Variants in SKOR2 observed in about 807,000 individuals in gnomAD.
SKOR2 encodes SKI family transcriptional corepressor 2.
SKOR2 carries 47 observed loss-of-function variants against 69.1 expected under a neutral mutation model. That is an observed-to-expected ratio of 0.68 (90% CI 0.54 to 0.87). The LOEUF is 0.87. SKOR2 is among the 40% of genes least tolerant of loss of function. SKOR2 has a pLI of 0.00. For missense variants in SKOR2, 1,404 were observed against 1,472.2 expected (o/e 0.95, Z 0.76); for synonymous variants, 717 against 672.6 (o/e 1.07, Z -1.02).
Position 47,248,363 on chromosome 18 carries a change from C to T in SKOR2, c.821G>A (p.Gly274Glu), listed in dbSNP as rs889229258. 1.1e-5 allele frequency: 14 copies of T among 1,280,858 alleles called. No homozygotes were observed. In the African/African-American group the frequency reaches 1.9e-4, roughly 17 times the overall value. The allele number at this position is 1,280,858 out of a possible 1,614,324, so 79.3% of individuals were successfully genotyped here. A position where few individuals can be genotyped will look rare whatever the true frequency, so the allele number is the denominator to read the frequency against. Reference protein sequence around the residue: ...VAAAAAVAGGGGLLGPHLLGA... With the variant: ...VAAAAAVAGGEGLLGPHLLGA... ...CAGCAGGTGGGGGCCCAGCAGACCC[C>T]CGCCTCCGGCCACCGCGGCCGCGGC... Residue 274 changes from glycine (G) to glutamate (E), a missense_variant, in exon 2 of 9, where the codon GGG (glycine) becomes GAG (glutamate). Gly to Glu is a moderately conservative substitution (Grantham distance 98, BLOSUM62 -2). Transcript: ENST00000425639. The surrounding 1 kb of genome is among the most constrained non-coding windows in gnomAD (Gnocchi z 6.4).
chr18:47,249,140 G>A lies in SKOR2; in HGVS notation c.44C>T (p.Ala15Val), dbSNP rs753945565. The A allele has an allele frequency of 5.2e-6, 8 of 1,535,722 alleles. No individual in the cohort carries two copies. The highest frequency in any genetic ancestry group is 2.4e-5 in the East Asian group (1 of 40,900). ...PLPGPNDILL[A>V]SPSSAFQPDT... ...GGGCTGGAAGGCGCTCGACGGCGAC[G>A]CCAGCAGGATGTCGTTGGGCCCTGG... The change falls in exon 2 of 9, where the codon GCG becomes GTG. Residue 15 changes from alanine (A) to valine (V), a missense_variant. Physicochemically the swap from Ala to Val is moderately conservative, Grantham distance 64. Transcript: ENST00000425639.
In SKOR2 at chr18:47,247,838, C is replaced by A; in HGVS notation, c.1346G>T (p.Gly449Val). Residue 449 changes from glycine (G) to valine (V), a missense_variant, in exon 2 of 9, where the codon GGC becomes GTC. Around this residue, in one of 3 missense-constraint regions of SKOR2, gnomAD observed 1,266 missense variants for 1,309.9 expected, o/e 0.97. Transcript: ENST00000425639. This position sits in a 1 kb window ranked among gnomAD's most constrained non-coding sequence, Gnocchi z 6.6. The part of the protein sequence containing the change: ...AGGAGAAPKA[G>V]LSGLFWPAGR... ...CGCGGGCCAGAAGAGGCCGGACAAG[C>A]CGGCCTTGGGCGCCGCGCCCGCGCC... 7.3e-6 allele frequency: 10 copies of A among 1,374,426 alleles called. No individual in the cohort carries two copies. The highest frequency in any genetic ancestry group is 8.4e-6 in the Non-Finnish European group (9 of 1,073,474). The allele number at this position is 1,374,426 out of a possible 1,614,324, so 85.1% of individuals were successfully genotyped here. A position where few individuals can be genotyped will look rare whatever the true frequency, so the allele number is the denominator to read the frequency against.
intron 4 of SKOR2, among the ~76,000 whole-genome samples, chr18:47,244,704 T>A (rs957081990): frequency 6.6e-6 from 1 of 152,238 alleles, no homozygotes; most frequent in African/African-American, 2.4e-5. Flanking sequence ...TATTTCTGAA[T>A]TTTCTTCTGA....
chr18:47,221,322 A>G (rs1365623440), intron 6 of SKOR2, among the ~76,000 whole-genome samples: 1 of 152,186 alleles, frequency 6.6e-6, no homozygotes, highest in Non-Finnish European at 1.5e-5. Flanking sequence ...CCATGCAAAG[A>G]TTGAGAGAAG....
At position 47,248,659 on chromosome 18, in the gene SKOR2, G is replaced by A; in HGVS notation, c.525C>T (p.Ser175=). 6.4e-7 allele frequency: 1 copy of A among 1,566,830 alleles called. No homozygotes were observed. The highest frequency in any genetic ancestry group is 8.6e-7 in the Non-Finnish European group (1 of 1,162,006). Reference sequence around the variant, plus strand: ...TGGGCGAGAAGTACATGTTGCAGTAGCTGCATTTGATGCACTTGGCGCGCG... The same window carrying A: ...TGGGCGAGAAGTACATGTTGCAGTAACTGCATTTGATGCACTTGGCGCGCG... ...NSSRAKCIKC[S]YCNMYFSPNK... The change falls in exon 2 of 9, where the codon AGC becomes AGT. Residue 175 remains serine (S), a synonymous_variant. Coordinates refer to ENST00000425639, the MANE Select transcript of SKOR2 (RefSeq NM_001278063.4). This position sits in a 1 kb window ranked among gnomAD's most constrained non-coding sequence, Gnocchi z 6.4.
intron 7 of SKOR2, among the ~76,000 whole-genome samples, chr18:47,212,743 TG>T (rs1372951563): frequency 6.6e-6 from 1 of 151,908 alleles, no homozygotes; most frequent in Admixed American, 6.6e-5. Context: ...GAGGCTGAGG[TG>T]GGAGGATCAC....
chr18:47,237,699 CT>C (rs398041372), intron 4 of SKOR2, among the ~76,000 whole-genome samples: 54,505 of 134,270 alleles, frequency 0.41, 10,218 homozygotes, highest in Middle Eastern at 0.48. Flanking sequence ...TTTTCTTTTT[CT>C]TTTTTTTTTT....
intron 7 of SKOR2, among the ~76,000 whole-genome samples, chr18:47,214,688 C>T (rs976935273): frequency 6.6e-6 from 1 of 152,126 alleles, no homozygotes; most frequent in African/African-American, 2.4e-5. Flanking sequence ...AAACCTTTTA[C>T]TTTATGATTC....
At chr18:47,217,481 T>G (rs2064147688) in intron 7 of SKOR2, among the ~76,000 whole-genome samples, 1 of 152,190 alleles carries the variant, frequency 6.6e-6, no homozygotes, top group Non-Finnish European at 1.5e-5. Flanking sequence ...TTGCTAGTAT[T>G]CCTTCCTTTA....
At chr18:47,222,999 A>T (rs1229021030) in intron 6 of SKOR2, among the ~76,000 whole-genome samples, 1 of 152,194 alleles carries the variant, frequency 6.6e-6, no homozygotes, top group Non-Finnish European at 1.5e-5. Context: ...AAAGGCAAAA[A>T]CTGAAAAGGA....
chr18:47,249,464 A>G (rs762825822), intron 1 of SKOR2, among the ~76,000 whole-genome samples: 1 of 152,262 alleles, frequency 6.6e-6, no homozygotes, highest in Admixed American at 6.5e-5. Context: ...TGAATTAACT[A>G]TGTATTTTCC....
At chr18:47,219,838 G>C in intron 7 of SKOR2, 105 bp downstream of exon 7, 3 of 993,874 alleles carry the variant, frequency 3.0e-6, no homozygotes, top group Non-Finnish European at 4.5e-6. Flanking sequence ...GAGGTAAGTG[G>C]ACCAAAGGAT....
chr18:47,250,560 G>A (rs894987306), intron 1 of SKOR2, among the ~76,000 whole-genome samples: 13 of 152,184 alleles, frequency 8.5e-5, no homozygotes, highest in African/African-American at 2.9e-4. Context: ...CAGCGAGTTC[G>A]CTATTACAGT....
Position 47,242,397 on chromosome 18 carries a change from TA to T in SKOR2, c.2752+2510del, listed in dbSNP as rs370553420. ...GTTGAAATGTTAACTGAAAACTTCTTAAAAAAATTATGAATGTTAGCTGTTA... is the reference window on the plus strand; with the variant it reads ...GTTGAAATGTTAACTGAAAACTTCTTAAAAAATTATGAATGTTAGCTGTTA... On this transcript the variant is annotated intron_variant, in intron 4 of 8. Transcript: ENST00000425639. Among the ~76,000 whole-genome samples, 1,296 of 152,216 alleles carry T rather than the reference TA, an allele frequency of 8.5e-3. 20 individuals carry two copies. The highest frequency in any genetic ancestry group is 0.03 in the African/African-American group (1,236 of 41,550).
chr18:47,247,162 C>G lies in SKOR2; in HGVS notation c.2022G>C (p.Ser674=). The change falls in exon 2 of 9, where the codon TCG becomes TCC. Residue 674 remains serine, a synonymous_variant. Coordinates refer to ENST00000425639, the MANE Select transcript of SKOR2 (RefSeq NM_001278063.4). This position sits in a 1 kb window ranked among gnomAD's most constrained non-coding sequence, Gnocchi z 6.6. ...HHHHHPPQPP[S]PLLLLPPQPD... The stretch of plus-strand genomic sequence containing the variant: ...GCTGCGGGGGCAGCAGCAGAAGCGG[C>G]GACGGCGGCTGCGGGGGGTGGTGGT... 2 of 1,104,018 alleles carry G rather than the reference C, an allele frequency of 1.8e-6. No individual in the cohort carries two copies. The highest frequency in any genetic ancestry group is 2.2e-6 in the Non-Finnish European group (2 of 899,896). 68.4% of individuals were successfully genotyped at this position (1,104,018 alleles called of 1,614,324 possible). A position where few individuals can be genotyped will look rare whatever the true frequency, so the allele number is the denominator to read the frequency against.
chr18:47,225,030 A>C (rs963071395), intron 6 of SKOR2, among the ~76,000 whole-genome samples: 2 of 152,152 alleles, frequency 1.3e-5, no homozygotes, highest in African/African-American at 2.4e-5. Flanking sequence ...CATCTCCCAG[A>C]GTATGCTACA....
intron 2 of SKOR2, among the ~76,000 whole-genome samples, chr18:47,246,362 T>G (rs2064273007): frequency 6.6e-6 from 1 of 152,126 alleles, no homozygotes; most frequent in South Asian, 2.1e-4. Context: ...CCCCAAAGCC[T>G]TTGAAAGGCG....
In SKOR2 at chr18:47,248,629, C is replaced by CT; in HGVS notation, c.554dup (p.Phe186ValfsTer238). On this transcript the variant is annotated frameshift_variant, in exon 2 of 9. Transcript: ENST00000425639. LOFTEE classifies it high-confidence loss of function. This position sits in a 1 kb window ranked among gnomAD's most constrained non-coding sequence, Gnocchi z 6.4. ...GCGTGCGGTGGGAGTGGAAAATGAA[C>CT]TTGTTGGGCGAGAAGTACATGTTGC... 1 of 1,555,314 alleles carries CT rather than the reference C, an allele frequency of 6.4e-7. No individual in the cohort carries two copies. The highest frequency in any genetic ancestry group is 8.7e-7 in the Non-Finnish European group (1 of 1,155,928).
intron 4 of SKOR2, among the ~76,000 whole-genome samples, chr18:47,241,815 A>G (rs1026339946): frequency 6.6e-6 from 1 of 152,154 alleles, no homozygotes; most frequent in African/African-American, 2.4e-5. Flanking sequence ...CCTACTACAT[A>G]CTTCCCAGAA....
Sources: gnomAD v4.1 joint callset for allele counts (sites outside exome capture counted in the v4.1 genomes callset) on GRCh38, gnomAD v4.1.1 for gene constraint, gnomAD v4.1.1 regional missense constraint, Gnocchi (gnomAD v3.1) non-coding constraint, MANE v1.5 for transcripts, NCBI Gene and HGNC (gene_info 2026-07-23, HGNC 2026-07-21) for gene names.